The following RBFOX3 variants were observed in gnomAD, a reference collection of about 807,000 sequenced individuals.
RBFOX3 encodes the protein RNA binding fox-1 homolog 3.
In RBFOX3, 17 loss-of-function variants were observed where a neutral mutation model predicts 48.7. The ratio of observed to expected loss-of-function variants is 0.35; its 90% CI spans 0.24 to 0.52. The LOEUF (loss-of-function observed/expected upper bound fraction) is 0.52. RBFOX3 is among the 20% of genes least tolerant of loss of function. The pLI is 0.94. For missense variants in RBFOX3, 382 were observed against 497.5 expected (o/e 0.77, Z 2.21); for synonymous variants, 212 against 209.5 (o/e 1.01, Z -0.10).
chr17:79,156,146 G>A (rs116804937), intron 4 of RBFOX3, among the ~76,000 whole-genome samples: 3,009 of 152,280 alleles, frequency 0.02, 109 homozygotes, highest in African/African-American at 0.068. Context: ...AGGAGGATGC[G>A]CCCGCCTCAT....
chr17:79,348,571 CTTTTTT>C (rs71358701), intron 2 of RBFOX3, among the ~76,000 whole-genome samples: 70 of 75,168 alleles, frequency 9.3e-4, no homozygotes, highest in Admixed American at 1.6e-3. Flanking sequence ...TTTTCTTTTC[CTTTTTT>C]TTTTTTTTTT....
chr17:79,620,429 G>A, the RBFOX3 span, among the ~76,000 whole-genome samples: 319 of 111,314 alleles, frequency 2.9e-3, no homozygotes, highest in African/African-American at 8.7e-3. Context: ...ACACACGCAC[G>A]TGCACACATG....
intron 4 of RBFOX3, among the ~76,000 whole-genome samples, chr17:79,143,589 C>G (rs2042377587): frequency 6.6e-6 from 1 of 152,192 alleles, no homozygotes; most frequent in Non-Finnish European, 1.5e-5. Context: ...TCGGGGTTCT[C>G]CCCACCAGGG....
chr17:79,242,512 C>G lies in RBFOX3; in HGVS notation c.-73-6707G>C, dbSNP rs1382702178. Among the ~76,000 whole-genome samples, 1 of 151,272 alleles carries G rather than the reference C, an allele frequency of 6.6e-6. No individual in the cohort carries two copies. The highest frequency in any genetic ancestry group is 1.9e-4 in the East Asian group (1 of 5,152). ...TTAATGTGATGTTTTCCTCCTTCTT[C>G]TGAATAGAAATTTGCCTTTAGAGAG... On this transcript the variant is annotated intron_variant, in intron 3 of 14. Coordinates refer to ENST00000693108, the MANE Select transcript of RBFOX3 (RefSeq NM_001350451.2). This position sits in a 1 kb window ranked among gnomAD's most constrained non-coding sequence, Gnocchi z 5.8.
chr17:79,439,254 C>G (rs931639954), intron 2 of RBFOX3, among the ~76,000 whole-genome samples: 3 of 152,254 alleles, frequency 2.0e-5, no homozygotes, highest in Non-Finnish European at 4.4e-5. Context: ...GCTTGCAGAG[C>G]AGCACCCCGC....
At chr17:79,630,388 T>C in the RBFOX3 span, among the ~76,000 whole-genome samples, 38 of 152,188 alleles carry the variant, frequency 2.5e-4, no homozygotes, top group Non-Finnish European at 4.7e-4. Context: ...TTTTTATTTG[T>C]TGTTCAGTGG....
At position 79,471,697 on chromosome 17, in the gene RBFOX3, G is replaced by A. The variant is rs7213692; in HGVS notation, c.-175+10757C>T. ...TTTATAACAAGAAAGGACTCTGAAC[G>A]TTGTCAGGTGAGTAGCACTGCCTGT... On this transcript the variant is annotated intron_variant, in intron 2 of 14. Transcript: ENST00000693108. The surrounding 1 kb of genome is among the most constrained non-coding windows in gnomAD (Gnocchi z 4.0). 0.1 allele frequency among the ~76,000 whole-genome samples: 15,474 copies of A among 152,160 alleles called. 2,585 individuals are homozygous for A. The highest frequency in any genetic ancestry group is 0.35 in the African/African-American group (14,429 of 41,468).
At chr17:79,358,981 A>G (rs1217536624) in intron 2 of RBFOX3, among the ~76,000 whole-genome samples, 1 of 152,236 alleles carries the variant, frequency 6.6e-6, no homozygotes, top group Non-Finnish European at 1.5e-5. Flanking sequence ...CGAGTGGCAC[A>G]GGGAAGCTGC....
intron 2 of RBFOX3, among the ~76,000 whole-genome samples, chr17:79,320,539 G>C (rs1217125293): frequency 6.6e-6 from 1 of 152,206 alleles, no homozygotes; most frequent in African/African-American, 2.4e-5. Context: ...CCGTATACCT[G>C]CCCTCCCTTG....
chr17:79,222,077 C>T (rs1035889259), intron 4 of RBFOX3, among the ~76,000 whole-genome samples: 16 of 152,088 alleles, frequency 1.1e-4, no homozygotes, highest in Admixed American at 6.6e-5. Context: ...GATTTCTACC[C>T]GTTGCCTGAT....
At position 79,391,105 on chromosome 17, in the gene RBFOX3, C is replaced by A. The variant is rs72852431; in HGVS notation, c.-174-83281G>T. Among the ~76,000 whole-genome samples, 10,455 of 152,270 alleles carry A rather than the reference C, an allele frequency of 0.069. 397 individuals carry two copies. Among genetic ancestry groups the A allele is most frequent in the East Asian group, 0.11 (543 of 5,170 alleles). ...GGGTCTGGTGGCCTGTAACCCCTGC[C>A]AGCCAGGCTCCCTGATACCAGCCTC... On this transcript the variant is annotated intron_variant, in intron 2 of 14. Coordinates refer to ENST00000693108, the MANE Select transcript of RBFOX3 (RefSeq NM_001350451.2). This position sits in a 1 kb window ranked among gnomAD's most constrained non-coding sequence, Gnocchi z 5.0.
At chr17:79,223,113 G>A (rs2059918999) in intron 4 of RBFOX3, among the ~76,000 whole-genome samples, 1 of 152,100 alleles carries the variant, frequency 6.6e-6, no homozygotes, top group South Asian at 2.1e-4. Flanking sequence ...CTCGAAAAAT[G>A]GGCTCACAGG....
intron 3 of RBFOX3, among the ~76,000 whole-genome samples, chr17:79,282,695 C>T (rs1164737497): frequency 1.3e-5 from 2 of 152,250 alleles, no homozygotes; most frequent in Non-Finnish European, 2.9e-5. Context: ...CACGCATCCG[C>T]CTGGACCCCA....
intron 3 of RBFOX3, among the ~76,000 whole-genome samples, chr17:79,279,429 G>T (rs62061463): frequency 0.076 from 11,587 of 152,180 alleles, 552 homozygotes; most frequent in South Asian, 0.17. Context: ...GATTCCAGTG[G>T]GTGGAGGGAG....
chr17:79,097,845 G>A (rs2075676839), intron 9 of RBFOX3, 100 bp from the exon 10 acceptor site: 6 of 1,321,314 alleles, frequency 4.5e-6, no homozygotes, highest in South Asian at 3.8e-5. Flanking sequence ...GAGCCCTTGG[G>A]AACATTCCCA....
intron 1 of RBFOX3, among the ~76,000 whole-genome samples, chr17:79,581,906 A>G (rs1040407503): frequency 1.3e-5 from 2 of 152,246 alleles, no homozygotes; most frequent in Non-Finnish European, 2.9e-5. Context: ...CCCCTCTGCT[A>G]AAGCTCCCCT....
chr17:79,475,609 A>G (rs2077619525), intron 2 of RBFOX3, among the ~76,000 whole-genome samples: 1 of 152,202 alleles, frequency 6.6e-6, no homozygotes, highest in Non-Finnish European at 1.5e-5. Context: ...CCCCGATCCA[A>G]TGACTGGTGT....
chr17:79,581,757 C>G (rs2093067725), intron 1 of RBFOX3, among the ~76,000 whole-genome samples: 1 of 152,232 alleles, frequency 6.6e-6, no homozygotes, highest in African/African-American at 2.4e-5. Flanking sequence ...GGGAGCACCT[C>G]TTGCTGTTCC....
At chr17:79,340,253 C>A (rs1033972454) in intron 2 of RBFOX3, among the ~76,000 whole-genome samples, 2 of 149,462 alleles carry the variant, frequency 1.3e-5, no homozygotes. Flanking sequence ...GAGCCGAGAT[C>A]ACACCATTGC....
Sources: allele counts gnomAD v4.1 joint callset (sites outside exome capture counted in the v4.1 genomes callset), GRCh38; gene constraint gnomAD v4.1.1; non-coding constraint Gnocchi (gnomAD v3.1); transcripts MANE v1.5; gene names NCBI Gene and HGNC (gene_info 2026-07-23, HGNC 2026-07-21).